KATNAL2: variants seen among roughly 807,000 people sequenced by gnomAD.
KATNAL2 encodes katanin p60 ATPase-containing subunit A-like 2.
KATNAL2 carries 52 observed loss-of-function variants against 76.3 expected under a neutral mutation model. That is an observed-to-expected ratio of 0.68 (90% CI 0.55 to 0.86). KATNAL2 has a LOEUF of 0.86. KATNAL2 is among the 40% of genes least tolerant of loss of function. The probability of loss-of-function intolerance (pLI) is 0.00; values close to 1 mark genes in which losing one functional copy is unlikely to be tolerated. For missense variants in KATNAL2, 660 were observed against 668.9 expected (o/e 0.99, Z 0.15); for synonymous variants, 243 against 244.2 (o/e 1.00, Z 0.05).
Position 46,935,118 on chromosome 18 carries a change from G to A in KATNAL2, c.-509-10939G>A, listed in dbSNP as rs564067331. ...AAACCTACCAGAGCAACCAGAAAAA[G>A]ACTGCAATAAGAGCATGCTTACACA... is the stretch of plus-strand genomic sequence containing the variant. On this transcript the variant is annotated intron_variant, in intron 1 of 17. Transcript: ENST00000683218. 1.1e-4 allele frequency among the ~76,000 whole-genome samples: 16 copies of A among 151,740 alleles called. No individual in the cohort carries two copies. The East Asian group carries it at 2.9e-3, about 28-fold the overall frequency.
At chr18:46,965,513 TAGCG>T in intron 3 of KATNAL2, among the ~76,000 whole-genome samples, 1 of 122,646 alleles carries the variant, frequency 8.2e-6, no homozygotes, top group East Asian at 2.2e-4. Context: ...AACGCTCTGC[TAGCG>T]AGCAGATGTG....
chr18:46,958,268 C>A (rs565910079), intron 3 of KATNAL2, among the ~76,000 whole-genome samples: 1 of 152,198 alleles, frequency 6.6e-6, no homozygotes, highest in East Asian at 1.9e-4. Flanking sequence ...ATATCATTGG[C>A]TCTTCTGGTT....
chr18:47,053,201 C>G lies in KATNAL2; in HGVS notation c.289+155C>G, dbSNP rs553450546. Among the ~76,000 whole-genome samples the G allele has an allele frequency of 1.1e-3, 172 of 152,290 alleles. 1 individual carries two copies. The highest frequency in any genetic ancestry group is 3.8e-3 in the African/African-American group (159 of 41,568). ...CCATTCTCATATCCAGCACAGACAACTGAAATATGATTACCTGGACACTGA... is the reference window on the plus strand; with the variant it reads ...CCATTCTCATATCCAGCACAGACAAGTGAAATATGATTACCTGGACACTGA... On this transcript the variant is annotated intron_variant, in intron 5 of 17. Transcript: ENST00000683218.
intron 4 of KATNAL2, 66 bp downstream of exon 4, chr18:47,046,593 C>A: frequency 9.1e-7 from 1 of 1,100,828 alleles, no homozygotes; most frequent in Non-Finnish European, 1.3e-6. Flanking sequence ...TTTCCAGATG[C>A]GTACTTTTAA....
intron 3 of KATNAL2, chr18:47,033,858 C>T (rs369292254): frequency 2.2e-5 from 35 of 1,613,924 alleles, no homozygotes; most frequent in Non-Finnish European, 2.7e-5. Context: ...TGGCCTGCAT[C>T]CAGGCCTCTG....
At chr18:47,071,147 AC>A (rs1461037120) in intron 13 of KATNAL2, among the ~76,000 whole-genome samples, 2 of 152,122 alleles carry the variant, frequency 1.3e-5, no homozygotes, top group East Asian at 3.9e-4. Context: ...CTATAGATGC[AC>A]ACCACCAAGC....
In KATNAL2 at chr18:47,034,334, T is replaced by C. The variant is rs1424110530; in HGVS notation, c.52-12123T>C. 8.1e-6 allele frequency: 13 copies of C among 1,612,752 alleles called. No individual in the cohort carries two copies. The East Asian group carries it at 2.9e-4, about 36-fold the overall frequency. ...CTGGGCCTCTTCTTGTTCGAGTGAC[T>C]GTGCTGAGGCCTCTTCTGGTGACTG... On this transcript the variant is annotated intron_variant, in intron 3 of 17. Transcript: ENST00000683218.
intron 3 of KATNAL2, among the ~76,000 whole-genome samples, chr18:46,956,216 C>G (rs72919252): frequency 6.6e-6 from 1 of 152,012 alleles, no homozygotes; most frequent in Non-Finnish European, 1.5e-5. Context: ...TGGTTTTCAC[C>G]GATTAACAGT....
intron 5 of KATNAL2, 78 bp from the exon 6 acceptor site, chr18:47,054,318 G>T (rs2147103916): frequency 7.9e-7 from 1 of 1,271,518 alleles, no homozygotes; most frequent in East Asian, 2.3e-5. Context: ...ATGCAAAAAG[G>T]GGAAACATAC....
At chr18:46,918,629 T>C (rs1203055206) in intron 1 of KATNAL2, among the ~76,000 whole-genome samples, 1 of 152,062 alleles carries the variant, frequency 6.6e-6, no homozygotes, top group Non-Finnish European at 1.5e-5. Flanking sequence ...TCCAAGTTGG[T>C]CAGGCTGGTC....
intron 16 of KATNAL2, 53 bp downstream of exon 16, chr18:47,099,458 A>G: frequency 1.3e-6 from 2 of 1,512,464 alleles, no homozygotes; most frequent in Non-Finnish European, 1.8e-6. Flanking sequence ...CCATATGGCC[A>G]TCTTGTAGAC....
At chr18:46,933,548 G>A (rs1272859630) in intron 1 of KATNAL2, among the ~76,000 whole-genome samples, 1 of 152,132 alleles carries the variant, frequency 6.6e-6, no homozygotes, top group Non-Finnish European at 1.5e-5. Context: ...ACTGGTCCTA[G>A]ACTGGCAATT....
intron 3 of KATNAL2, among the ~76,000 whole-genome samples, chr18:47,037,967 G>A (rs181399296): frequency 1.3e-5 from 2 of 152,058 alleles, no homozygotes; most frequent in African/African-American, 4.8e-5. Context: ...TTACAGGAGT[G>A]AGCCACAGTG....
chr18:47,080,563 G>A (rs1387127943), intron 15 of KATNAL2, among the ~76,000 whole-genome samples: 2 of 152,034 alleles, frequency 1.3e-5, no homozygotes, highest in African/African-American at 2.4e-5. Context: ...TAGAATTATT[G>A]GGTCATACGG....
intron 15 of KATNAL2, 51 bp downstream of exon 15, chr18:47,077,512 T>A: frequency 7.3e-7 from 1 of 1,364,494 alleles, no homozygotes. Context: ...AGTCACTAAG[T>A]GCAAATAAAA....
intron 1 of KATNAL2, among the ~76,000 whole-genome samples, chr18:46,926,508 T>C (rs2058734299): frequency 6.6e-6 from 1 of 152,224 alleles, no homozygotes; most frequent in South Asian, 2.1e-4. Context: ...CTTCCAACTA[T>C]GTGGTCAATT....
At chr18:47,051,455 A>AGTTT (rs386387589) in intron 4 of KATNAL2, among the ~76,000 whole-genome samples, 2 of 151,558 alleles carry the variant, frequency 1.3e-5, no homozygotes, top group Admixed American at 1.3e-4. Flanking sequence ...GGTTAAAAAA[A>AGTTT]GTTTGTAAAA....
At chr18:46,948,981 A>G (rs1288301893) in intron 3 of KATNAL2, among the ~76,000 whole-genome samples, 2 of 150,660 alleles carry the variant, frequency 1.3e-5, no homozygotes, top group Non-Finnish European at 3.0e-5. Context: ...GGCTCACTGT[A>G]GTCTCACCCT....
At chr18:47,068,314 T>C (rs2061879943) in intron 11 of KATNAL2, among the ~76,000 whole-genome samples, 1 of 152,240 alleles carries the variant, frequency 6.6e-6, no homozygotes, top group South Asian at 2.1e-4. Context: ...TGGCCCCTGA[T>C]TTTTGGATGC....
Sources: gnomAD v4.1 joint callset for allele counts (sites outside exome capture counted in the v4.1 genomes callset) on GRCh38, gnomAD v4.1.1 for gene constraint, MANE v1.5 for transcripts, NCBI Gene and HGNC (gene_info 2026-07-23, HGNC 2026-07-21) for gene names.